The following CGNL1 variants were observed in gnomAD, a reference collection of about 807,000 sequenced individuals.
CGNL1 encodes the protein cingulin-like protein 1.
In CGNL1, 132 loss-of-function variants were observed where a neutral mutation model predicts 141.2. That is an observed-to-expected ratio of 0.93 (90% CI 0.81 to 1.08). The LOEUF is 1.08. Among genes scored for constraint, CGNL1 ranks in the 50% least tolerant of loss-of-function variants. The pLI, the probability that CGNL1 is intolerant of heterozygous loss-of-function variation, is 0.00. For synonymous variants in CGNL1, 690 were observed against 622.1 expected, an observed-to-expected ratio of 1.11 and a Z score of -1.63; for missense variants, 1,870 against 1,588.6, an observed-to-expected ratio of 1.18 and a Z score of -3.01.
At chr15:57,411,555 T>C (rs768634692) in intron 1 of CGNL1, among the ~76,000 whole-genome samples, 5 of 151,720 alleles carry the variant, frequency 3.3e-5, no homozygotes, top group Non-Finnish European at 5.9e-5. Flanking sequence ...GCAATTCTCA[T>C]GCTTCACCCT....
At chr15:57,388,761 G>A (rs907472) in intron 1 of CGNL1, among the ~76,000 whole-genome samples, 28,671 of 152,162 alleles carry the variant, frequency 0.19, 2,784 homozygotes, top group East Asian at 0.21. Context: ...GTTCTCCGAG[G>A]GAGAGAATAA....
intron 1 of CGNL1, among the ~76,000 whole-genome samples, chr15:57,377,673 C>T (rs1362388277): frequency 6.6e-6 from 1 of 152,198 alleles, no homozygotes; most frequent in Non-Finnish European, 1.5e-5. Context: ...TTCTACCTCT[C>T]TGTTTACAGT....
intron 1 of CGNL1, among the ~76,000 whole-genome samples, chr15:57,394,752 A>G (rs1469261158): frequency 6.6e-6 from 1 of 152,216 alleles, no homozygotes; most frequent in East Asian, 1.9e-4. Context: ...AGATGATCTT[A>G]TATGATCTGA....
intron 10 of CGNL1, among the ~76,000 whole-genome samples, 183 bp downstream of exon 10, chr15:57,518,680 G>A (rs2031025421): frequency 6.6e-6 from 1 of 152,148 alleles, no homozygotes; most frequent in Non-Finnish European, 1.5e-5. Context: ...GGGGGGATTT[G>A]GTAATGCCTG....
At chr15:57,485,667 AC>A in intron 8 of CGNL1, among the ~76,000 whole-genome samples, 1 of 152,240 alleles carries the variant, frequency 6.6e-6, no homozygotes, top group East Asian at 1.9e-4. Flanking sequence ...TTTAGTAAAA[AC>A]AAATGATAGA....
At chr15:57,539,513 T>A (rs1482430534) in intron 14 of CGNL1, among the ~76,000 whole-genome samples, 1 of 152,168 alleles carries the variant, frequency 6.6e-6, no homozygotes, top group Non-Finnish European at 1.5e-5. Flanking sequence ...TCGTGCCCCC[T>A]CCAGCCCTGG....
At chr15:57,498,272 C>T (rs1332676901) in intron 8 of CGNL1, among the ~76,000 whole-genome samples, 1 of 89,794 alleles carries the variant, frequency 1.1e-5, no homozygotes, top group East Asian at 4.8e-4. Flanking sequence ...TTTTGGAGAC[C>T]AGGGTCTCAC....
In CGNL1 at chr15:57,523,608, C is replaced by T. The variant is rs775324311; in HGVS notation, c.2835C>T (p.His945=). 11 of 1,613,926 alleles carry T rather than the reference C, an allele frequency of 6.8e-6. No individual in the cohort carries two copies. In the African/African-American group the frequency reaches 1.5e-4, roughly 22 times the overall value. ...LKNEMENERW[H]LGKTIEKLQK... is the part of the protein sequence containing the mutation. ...ACGAGATGGAGAATGAGCGGTGGCA[C>T]CTGGGCAAAACCATTGAGAAACTGC... The change falls in exon 11 of 19, where the codon CAC becomes CAT. Residue 945 remains histidine (H), a synonymous_variant. Transcript: ENST00000281282.
chr15:57,413,004 G>C (rs1023296048), intron 1 of CGNL1, among the ~76,000 whole-genome samples: 4 of 152,034 alleles, frequency 2.6e-5, no homozygotes, highest in Admixed American at 6.6e-5. Flanking sequence ...GGGATGACAG[G>C]TGCGTGCCAC....
At chr15:57,452,927 A>C (rs556556900) in intron 6 of CGNL1, among the ~76,000 whole-genome samples, 1 of 152,326 alleles carries the variant, frequency 6.6e-6, no homozygotes, top group African/African-American at 2.4e-5. Context: ...TATATAATAA[A>C]AGCATTTGAT....
rs151075589 is a variant in CGNL1, at chr15:57,541,556, G to A, written c.3292-2140G>A. ...GGGAGCGGGCCTGAGTTGGGTGGAC[G>A]TGCCCTGCCTGCTGGTCCTGGCCAC... On this transcript the variant is annotated intron_variant, in intron 14 of 18. Coordinates refer to ENST00000281282, the MANE Select transcript of CGNL1 (RefSeq NM_032866.5). Among the ~76,000 whole-genome samples, 503 of 152,338 alleles carry A rather than the reference G, an allele frequency of 3.3e-3. 3 individuals are homozygous for A. The highest frequency in any genetic ancestry group is 0.012 in the African/African-American group (481 of 41,568).
intron 8 of CGNL1, among the ~76,000 whole-genome samples, chr15:57,481,622 A>G (rs1263994656): frequency 4.6e-5 from 7 of 152,190 alleles, no homozygotes; most frequent in Non-Finnish European, 1.5e-5. Flanking sequence ...CTTGTTTTGT[A>G]CTATTATAAT....
intron 1 of CGNL1, among the ~76,000 whole-genome samples, chr15:57,385,407 T>C (rs1319004033): frequency 1.3e-5 from 2 of 152,188 alleles, no homozygotes; most frequent in South Asian, 2.1e-4. Flanking sequence ...TGGGGGCGCA[T>C]GCCTGCATTC....
chr15:57,517,315 C>T (rs1037408411), intron 9 of CGNL1, among the ~76,000 whole-genome samples: 4 of 152,144 alleles, frequency 2.6e-5, no homozygotes, highest in African/African-American at 4.8e-5. Flanking sequence ...ACCATTAGAC[C>T]GATTCTCACT....
At chr15:57,547,143 C>T (rs550853637) in intron 18 of CGNL1, among the ~76,000 whole-genome samples, 35 of 152,378 alleles carry the variant, frequency 2.3e-4, no homozygotes, top group Middle Eastern at 6.8e-3. Context: ...CTGGCCCACC[C>T]CACCAGCACA....
chr15:57,456,297 G>T (rs2063378327), intron 7 of CGNL1, among the ~76,000 whole-genome samples: 2 of 152,108 alleles, frequency 1.3e-5, no homozygotes, highest in Non-Finnish European at 2.9e-5. Flanking sequence ...TTTGAAAAAG[G>T]TTGAAGGCCC....
chr15:57,389,291 TC>T (rs1174446240), intron 1 of CGNL1, among the ~76,000 whole-genome samples: 9 of 152,036 alleles, frequency 5.9e-5, no homozygotes, highest in Non-Finnish European at 1.2e-4. Context: ...AAACTCCATC[TC>T]AAAAAACAAA....
intron 4 of CGNL1, among the ~76,000 whole-genome samples, chr15:57,443,314 G>A (rs1466145120): frequency 6.6e-6 from 1 of 152,162 alleles, no homozygotes; most frequent in East Asian, 1.9e-4. Flanking sequence ...GACACACCTG[G>A]TGCCCTGGAA....
chr15:57,449,078 G>T (rs1287564168), intron 4 of CGNL1, among the ~76,000 whole-genome samples: 1 of 152,134 alleles, frequency 6.6e-6, no homozygotes, highest in African/African-American at 2.4e-5. Flanking sequence ...GTCCACCAAG[G>T]TTTCTCTATT....
Sources: allele counts gnomAD v4.1 joint callset (sites outside exome capture counted in the v4.1 genomes callset), GRCh38; gene constraint gnomAD v4.1.1; transcripts MANE v1.5; gene names NCBI Gene and HGNC (gene_info 2026-07-23, HGNC 2026-07-21).